Variants in FAIM2 observed in about 807,000 individuals in gnomAD.
FAIM2 encodes the protein Fas apoptotic inhibitory molecule 2.
FAIM2 carries 27 observed loss-of-function variants against 47.4 expected under a neutral mutation model. That is an observed-to-expected ratio of 0.57 (90% CI 0.42 to 0.78). The LOEUF (loss-of-function observed/expected upper bound fraction) is 0.78, where lower values mean the gene tolerates loss of function less well. Ranked by LOEUF, FAIM2 falls within the 30% of genes least tolerant of loss-of-function variation. FAIM2 has a pLI of 0.00. For missense variants in FAIM2, 311 were observed against 389.4 expected (o/e 0.80, Z 1.69); for synonymous variants, 156 against 159.3 (o/e 0.98, Z 0.16).
chr12:49,890,683 A>C lies in FAIM2; in HGVS notation c.525T>G (p.Phe175Leu). 1 of 1,613,978 alleles carries C rather than the reference A, an allele frequency of 6.2e-7. No homozygotes were observed. ...FPWNLILLTVFTLSMAYLTGM... is the reference protein window; with the variant it reads ...FPWNLILLTVLTLSMAYLTGM... ...CCTCAGCACACCCAGGATCACTTAC[A>C]AAGACGGTCAGGAGAATCAGGTTCC... is the stretch of plus-strand genomic sequence containing the variant. The change falls in exon 7 of 12, where the codon TTT becomes TTG. Residue 175 changes from phenylalanine to leucine, a missense_variant and splice_region_variant. Phe to Leu is a conservative substitution (Grantham distance 22, BLOSUM62 0). Coordinates refer to ENST00000320634, the MANE Select transcript of FAIM2 (RefSeq NM_012306.4).
At chr12:49,890,621 T>C in intron 7 of FAIM2, 62 bp downstream of exon 7, 1 of 1,512,074 alleles carries the variant, frequency 6.6e-7, no homozygotes, top group Non-Finnish European at 9.2e-7. Context: ...CAATCCACCC[T>C]GCTTCCCTTC....
chr12:49,872,147 C>T (rs963357736), intron 11 of FAIM2, among the ~76,000 whole-genome samples: 2 of 152,160 alleles, frequency 1.3e-5, no homozygotes, highest in South Asian at 2.1e-4. Flanking sequence ...AACACAAAGC[C>T]GTGCCTGCCT....
chr12:49,892,221 T>C (rs1483260055), intron 5 of FAIM2, among the ~76,000 whole-genome samples: 1 of 152,102 alleles, frequency 6.6e-6, no homozygotes, highest in Non-Finnish European at 1.5e-5. Context: ...CTTGCCCTCC[T>C]GTCCCTCCTC....
chr12:49,880,170 G>GTGTGTCTGTGCA (rs1565614689), intron 11 of FAIM2, among the ~76,000 whole-genome samples: 21 of 144,426 alleles, frequency 1.5e-4, no homozygotes, highest in Admixed American at 2.1e-4. Flanking sequence ...ATGTGTGTAT[G>GTGTGTCTGTGCA]TGTGTGTATG....
chr12:49,880,630 GTATA>G (rs59558736), intron 11 of FAIM2, among the ~76,000 whole-genome samples: 3 of 150,544 alleles, frequency 2.0e-5, no homozygotes, highest in Non-Finnish European at 3.0e-5. Context: ...GTGCATGTGT[GTATA>G]TATATGCATG....
In FAIM2 at chr12:49,879,264, GTGCATGTGTATATGTGTGTA is replaced by G. The variant is rs1946779043; in HGVS notation, c.801+8102_801+8121del. 3.4e-5 allele frequency among the ~76,000 whole-genome samples: 3 copies of G among 89,318 alleles called. 1 individual carries two copies. The highest frequency in any genetic ancestry group is 1.5e-4 in the African/African-American group (3 of 20,202). 58.6% of individuals were successfully genotyped at this position (89,318 alleles called of 152,430 possible). A position where few individuals can be genotyped will look rare whatever the true frequency, so the allele number is the denominator to read the frequency against. ...TGCATGTGTGTGCATGTGTGTATGT[GTGCATGTGTATATGTGTGTA>G]TGTGTGTGGGTATGTGTATGCATGT... is the stretch of plus-strand genomic sequence containing the variant. On this transcript the variant is annotated intron_variant, in intron 11 of 11. Transcript: ENST00000320634.
intron 11 of FAIM2, among the ~76,000 whole-genome samples, chr12:49,886,371 C>T (rs995346239): frequency 1.6e-4 from 24 of 152,340 alleles, no homozygotes; most frequent in African/African-American, 5.3e-4. Flanking sequence ...ACACATCAGA[C>T]TGTCCAGGTT....
chr12:49,867,583 G>A lies in FAIM2; in HGVS notation c.*2921C>T, dbSNP rs1370421503. On this transcript the variant is annotated 3_prime_UTR_variant, in exon 12 of 12. Transcript: ENST00000320634. Reference sequence around the variant, plus strand: ...GCAGCTTCCAGAAGAGGACTTCAGTGGGAGACCCCTCAACTCACATTCCGG... The same window carrying A: ...GCAGCTTCCAGAAGAGGACTTCAGTAGGAGACCCCTCAACTCACATTCCGG... 1 of 152,254 alleles carries A rather than the reference G, an allele frequency of 6.6e-6. No individual in the cohort carries two copies. The highest frequency in any genetic ancestry group is 1.5e-5 in the Non-Finnish European group (1 of 68,098). 9.4% of individuals were successfully genotyped at this position (152,254 alleles called of 1,614,324 possible).
intron 1 of FAIM2, among the ~76,000 whole-genome samples, chr12:49,903,563 G>C (rs752431659): frequency 1.3e-5 from 2 of 152,258 alleles, no homozygotes; most frequent in Non-Finnish European, 2.9e-5. Flanking sequence ...GTGGCAGGGT[G>C]ACAGGGGAGG....
chr12:49,889,623 C>G (rs1032903504), intron 8 of FAIM2, 55 bp from the exon 9 acceptor site: 27 of 1,452,520 alleles, frequency 1.9e-5, no homozygotes, highest in Non-Finnish European at 2.5e-5. Context: ...TGGTCTCCCC[C>G]ACCCTCCTAG....
intron 11 of FAIM2, among the ~76,000 whole-genome samples, chr12:49,880,724 ATGTGTG>A (rs767319926): frequency 2.4e-4 from 15 of 62,014 alleles, no homozygotes; most frequent in African/African-American, 9.0e-4. Context: ...ATGCGTGTAT[ATGTGTG>A]TGTGTATGTG....
At chr12:49,879,016 ATGTGTATG>A (rs1178848980) in intron 11 of FAIM2, among the ~76,000 whole-genome samples, 1 of 127,040 alleles carries the variant, frequency 7.9e-6, no homozygotes, top group Non-Finnish European at 1.6e-5. Context: ...GCATGTGTGT[ATGTGTATG>A]TGTGTGTCTG....
intron 11 of FAIM2, among the ~76,000 whole-genome samples, chr12:49,880,335 C>A (rs1946805401): frequency 7.1e-6 from 1 of 141,534 alleles, no homozygotes; most frequent in African/African-American, 2.7e-5. Context: ...TGTCTGTGTG[C>A]ATGTTTGTGT....
intron 2 of FAIM2, among the ~76,000 whole-genome samples, chr12:49,898,925 G>C (rs1946961449): frequency 6.6e-6 from 1 of 152,138 alleles, no homozygotes; most frequent in African/African-American, 2.4e-5. Context: ...GGGCTTCAGG[G>C]GGTGGGGGGC....
At chr12:49,895,177 A>C (rs1235920358) in intron 5 of FAIM2, among the ~76,000 whole-genome samples, 4 of 152,122 alleles carry the variant, frequency 2.6e-5, no homozygotes, top group Non-Finnish European at 5.9e-5. Context: ...AAAAGCGCCC[A>C]GTCCACGCCC....
intron 10 of FAIM2, among the ~76,000 whole-genome samples, chr12:49,888,297 G>A (rs1003779815): frequency 1.2e-4 from 18 of 152,206 alleles, no homozygotes; most frequent in African/African-American, 3.6e-4. Flanking sequence ...TGGACTGGAC[G>A]CCAAGTGCCC....
chr12:49,870,975 G>T (rs1406760373), intron 11 of FAIM2, among the ~76,000 whole-genome samples: 4 of 152,232 alleles, frequency 2.6e-5, no homozygotes, highest in Non-Finnish European at 5.9e-5. Flanking sequence ...CAGTGGGGCT[G>T]ATAACAAGGA....
intron 11 of FAIM2, among the ~76,000 whole-genome samples, chr12:49,885,500 T>C (rs1384895617): frequency 6.6e-6 from 1 of 152,198 alleles, no homozygotes; most frequent in African/African-American, 2.4e-5. Flanking sequence ...TTAGGAAGTA[T>C]TGCCTGGAGG....
chr12:49,877,311 TC>T (rs1156974662), intron 11 of FAIM2, among the ~76,000 whole-genome samples: 2 of 151,974 alleles, frequency 1.3e-5, no homozygotes, highest in African/African-American at 4.8e-5. Flanking sequence ...CACTGATCAG[TC>T]CACCCACCCC....
Sources: gnomAD v4.1 joint callset for allele counts (sites outside exome capture counted in the v4.1 genomes callset) on GRCh38, gnomAD v4.1.1 for gene constraint, MANE v1.5 for transcripts, NCBI Gene and HGNC (gene_info 2026-07-23, HGNC 2026-07-21) for gene names.